Variants in ARFGEF1 observed in about 807,000 individuals in gnomAD.
ARFGEF1 encodes ARF guanine nucleotide exchange factor 1.
Under a neutral mutation model 231.0 loss-of-function variants are expected in ARFGEF1, and 42 were observed. The ratio of observed to expected loss-of-function variants is 0.18; its 90% CI spans 0.14 to 0.24. The LOEUF is 0.24. Ranked by LOEUF, ARFGEF1 falls within the 10% of genes least tolerant of loss-of-function variation. The pLI is 1.00. For synonymous variants in ARFGEF1, 710 were observed against 732.3 expected, an observed-to-expected ratio of 0.97 and a Z score of 0.49; for missense variants, 1,345 against 2,192.0, an observed-to-expected ratio of 0.61 and a Z score of 7.72.
chr8:67,194,058 G>T (rs1368098193), downstream of ARFGEF1, among the ~76,000 whole-genome samples: 4 of 146,086 alleles, frequency 2.7e-5, no homozygotes, highest in African/African-American at 1.1e-4. Context: ...GTCAAATAAA[G>T]CTAGTCGTCT....
At chr8:67,265,215 A>C (rs1563874112) in intron 14 of ARFGEF1, among the ~76,000 whole-genome samples, 1 of 152,170 alleles carries the variant, frequency 6.6e-6, no homozygotes, top group Non-Finnish European at 1.5e-5. Context: ...ATTTTTGTTG[A>C]ACTGTTTTTC....
chr8:67,189,893 T>C (rs1369360711), intron 5 of ARFGEF1, among the ~76,000 whole-genome samples: 1 of 152,202 alleles, frequency 6.6e-6, no homozygotes, highest in African/African-American at 2.4e-5. Context: ...TGTAGGCTAT[T>C]TGTCCATGTC....
rs531859416 is a variant in ARFGEF1 at position 67,260,158 on chromosome 8, T to C, written c.2124-232A>G. On this transcript the variant is annotated intron_variant, in intron 14 of 38. Transcript: ENST00000262215. ...TCTTTATTACTATCATTTCACTGACTTGTTTACTTACTTTTTTACAGTATG... is the reference window on the plus strand; with the variant it reads ...TCTTTATTACTATCATTTCACTGACCTGTTTACTTACTTTTTTACAGTATG... Among the ~76,000 whole-genome samples, 7 of 152,348 alleles carry C rather than the reference T, an allele frequency of 4.6e-5. No homozygotes were observed. In the East Asian group the frequency reaches 9.6e-4, roughly 21 times the overall value.
chr8:67,339,933 T>C (rs1808545134), intron 1 of ARFGEF1, among the ~76,000 whole-genome samples: 1 of 151,934 alleles, frequency 6.6e-6, no homozygotes, highest in South Asian at 2.1e-4. Context: ...TAAAAGTTCC[T>C]TGAGAAGTCT....
At chr8:67,340,772 A>G (rs1808588674) in intron 1 of ARFGEF1, among the ~76,000 whole-genome samples, 2 of 152,190 alleles carry the variant, frequency 1.3e-5, no homozygotes, top group South Asian at 4.1e-4. Context: ...CCTTCCCTGG[A>G]TAGTCACATT....
chr8:67,235,735 C>A (rs955616294), intron 22 of ARFGEF1, among the ~76,000 whole-genome samples: 1 of 152,018 alleles, frequency 6.6e-6, no homozygotes, highest in Non-Finnish European at 1.5e-5. Flanking sequence ...CCCAAGAGTT[C>A]AAGACTGCAG....
At chr8:67,229,966 G>A (rs761531034) in intron 23 of ARFGEF1, among the ~76,000 whole-genome samples, 1 of 152,040 alleles carries the variant, frequency 6.6e-6, no homozygotes, top group African/African-American at 2.4e-5. Context: ...TTGACATAAC[G>A]GAGAACAAAG....
intron 37 of ARFGEF1, among the ~76,000 whole-genome samples, chr8:67,201,199 T>A (rs953451965): frequency 6.6e-6 from 1 of 152,236 alleles, no homozygotes; most frequent in South Asian, 2.1e-4. Context: ...GACTATCTTA[T>A]GACATTAAAA....
At chr8:67,218,410 T>TAA (rs61184771) in intron 30 of ARFGEF1, among the ~76,000 whole-genome samples, 2 of 150,568 alleles carry the variant, frequency 1.3e-5, no homozygotes, top group African/African-American at 2.4e-5. Flanking sequence ...TTTTGATTAT[T>TAA]AAAAAAAACC....
intron 6 of ARFGEF1, among the ~76,000 whole-genome samples, chr8:67,290,534 C>G (rs1381118921): frequency 6.6e-6 from 1 of 152,216 alleles, no homozygotes; most frequent in Non-Finnish European, 1.5e-5. Flanking sequence ...CACTTGACTT[C>G]CAAGTATGCT....
At chr8:67,330,582 T>C (rs562376102) in intron 1 of ARFGEF1, among the ~76,000 whole-genome samples, 4 of 152,318 alleles carry the variant, frequency 2.6e-5, no homozygotes, top group Admixed American at 2.0e-4. Flanking sequence ...TTATTTACTA[T>C]AAAAAATTTT....
At position 67,200,569 on chromosome 8, in the gene ARFGEF1, T is replaced by C; in HGVS notation, c.5268-56A>G. ...CTTGCGTATCTACTGGTCCCCATAT[T>C]CACCGAGAAAGAGCAATCATGAACA... On this transcript the variant is annotated intron_variant, in intron 37 of 38. Coordinates refer to ENST00000262215, the MANE Select transcript of ARFGEF1 (RefSeq NM_006421.5). 5 of 1,076,304 alleles carry C rather than the reference T, an allele frequency of 4.6e-6. No homozygotes were observed. The Admixed American group carries it at 8.1e-5, about 17-fold the overall frequency. The allele number at this position is 1,076,304 out of a possible 1,614,324, so 66.7% of individuals were successfully genotyped here.
At chr8:67,254,751 A>T (rs1401650678) in intron 17 of ARFGEF1, among the ~76,000 whole-genome samples, 2 of 151,952 alleles carry the variant, frequency 1.3e-5, no homozygotes, top group African/African-American at 2.4e-5. Context: ...CTGCAAACAG[A>T]TTTTTCTAAC....
intron 1 of ARFGEF1, among the ~76,000 whole-genome samples, chr8:67,314,158 A>C (rs1364526475): frequency 1.3e-5 from 2 of 152,174 alleles, no homozygotes; most frequent in African/African-American, 2.4e-5. Context: ...GTGAAGCGCA[A>C]AAGGAGCTTG....
At chr8:67,283,628 T>C (rs1798944347) in intron 7 of ARFGEF1, among the ~76,000 whole-genome samples, 1 of 152,044 alleles carries the variant, frequency 6.6e-6, no homozygotes, top group African/African-American at 2.4e-5. Context: ...AGAATCCTAA[T>C]ACATAAAGGA....
At chr8:67,316,767 T>C (rs897938706) in intron 1 of ARFGEF1, among the ~76,000 whole-genome samples, 4 of 152,152 alleles carry the variant, frequency 2.6e-5, no homozygotes, top group East Asian at 1.9e-4. Flanking sequence ...GCCTGAACTG[T>C]TGTATAATTA....
chr8:67,260,092 T>C (rs560139598), intron 14 of ARFGEF1, among the ~76,000 whole-genome samples, 166 bp from the exon 15 acceptor site: 2 of 152,372 alleles, frequency 1.3e-5, no homozygotes, highest in South Asian at 4.1e-4. Flanking sequence ...AAGTTTTCTT[T>C]ATTCTTTTCT....
intron 19 of ARFGEF1, among the ~76,000 whole-genome samples, chr8:67,248,595 T>C (rs1220048688): frequency 1.3e-5 from 2 of 150,434 alleles, no homozygotes; most frequent in Admixed American, 6.6e-5. Flanking sequence ...TTCTTGAGAA[T>C]ACCCCACAAT....
chr8:67,330,536 G>T (rs1808053067), intron 1 of ARFGEF1, among the ~76,000 whole-genome samples: 1 of 152,040 alleles, frequency 6.6e-6, no homozygotes, highest in South Asian at 2.1e-4. Flanking sequence ...TTCTGCCTTT[G>T]TATCTTCTAG....
Sources: gnomAD v4.1 joint callset for allele counts (sites outside exome capture counted in the v4.1 genomes callset) on GRCh38, gnomAD v4.1.1 for gene constraint, MANE v1.5 for transcripts, NCBI Gene and HGNC (gene_info 2026-07-23, HGNC 2026-07-21) for gene names.